Variants in ZNF611 observed in about 807,000 individuals in gnomAD.
ZNF611 encodes zinc finger protein 611.
In ZNF611, 6 loss-of-function variants were observed where a neutral mutation model predicts 8.9. That is an observed-to-expected ratio of 0.68 (90% CI 0.37 to 1.34). The LOEUF (loss-of-function observed/expected upper bound fraction) is 1.34. Among genes scored for constraint, ZNF611 ranks in the 40% most tolerant of loss-of-function variants. The pLI, the probability that ZNF611 is intolerant of heterozygous loss-of-function variation, is 0.02. For missense variants in ZNF611, 874 were observed against 841.3 expected (o/e 1.04, Z -0.48); for synonymous variants, 262 against 279.7 (o/e 0.94, Z 0.63).
chr19:52,730,905 A>G (rs988837941), intron 1 of ZNF611, among the ~76,000 whole-genome samples: 1 of 151,922 alleles, frequency 6.6e-6, no homozygotes, highest in African/African-American at 2.4e-5. Flanking sequence ...TTTTATAAAG[A>G]GAGACATTAA....
intron 5 of ZNF611, among the ~76,000 whole-genome samples, chr19:52,713,265 G>T (rs1490104195): frequency 1.3e-5 from 2 of 152,264 alleles, no homozygotes; most frequent in East Asian, 3.9e-4. Flanking sequence ...TTAAGGAAAT[G>T]ACAGTAGAAC....
At chr19:52,709,457 G>C (rs1464580034) in intron 5 of ZNF611, among the ~76,000 whole-genome samples, 6 of 151,990 alleles carry the variant, frequency 3.9e-5, no homozygotes, top group African/African-American at 1.2e-4. Flanking sequence ...ATTTTTAGTA[G>C]AGAAGGGGTT....
intron 3 of ZNF611, 89 bp from the exon 4 acceptor site, chr19:52,716,002 T>C (rs575994725): frequency 8.0e-6 from 12 of 1,492,126 alleles, no homozygotes; most frequent in Non-Finnish European, 1.1e-5. Context: ...GACGTCACCC[T>C]GTAGAAAGAA....
intron 3 of ZNF611, among the ~76,000 whole-genome samples, chr19:52,719,379 A>T (rs1335644504): frequency 6.6e-6 from 1 of 152,160 alleles, no homozygotes; most frequent in African/African-American, 2.4e-5. Context: ...AAAAGGGAAG[A>T]GGGTGATCCA....
At chr19:52,707,252 T>TAAA (rs59927537) in intron 5 of ZNF611, 4 of 100,000 alleles carry the variant, frequency 4.0e-5, no homozygotes, top group African/African-American at 1.1e-4. Flanking sequence ...AAATAAATGC[T>TAAA]AAAAAAAAAA....
intron 3 of ZNF611, among the ~76,000 whole-genome samples, chr19:52,725,492 A>AG (rs2062385788): frequency 6.6e-6 from 1 of 152,224 alleles, no homozygotes; most frequent in African/African-American, 2.4e-5. Flanking sequence ...ACTATGCGAT[A>AG]GGAAGTGTAT....
intron 1 of ZNF611, among the ~76,000 whole-genome samples, chr19:52,730,213 GA>G (rs2062416872): frequency 6.6e-6 from 1 of 151,804 alleles, no homozygotes; most frequent in African/African-American, 2.4e-5. Flanking sequence ...CTAACATGGT[GA>G]AACCCCATCT....
intron 2 of ZNF611, among the ~76,000 whole-genome samples, chr19:52,729,492 CAAAAAAAAAAAAA>C (rs397859789): frequency 1.1e-3 from 47 of 42,364 alleles, no homozygotes; most frequent in Middle Eastern, 0.053. Context: ...GACTCCATCT[CAAAAAAAAAAAAA>C]AAAAAAAAAA....
At chr19:52,723,253 C>CTTTTTTT (rs56217135) in intron 3 of ZNF611, among the ~76,000 whole-genome samples, 1 of 103,188 alleles carries the variant, frequency 9.7e-6, no homozygotes, top group East Asian at 2.5e-4. Flanking sequence ...CTTATTTAAC[C>CTTTTTTT]TTTTTTTTTT....
intron 5 of ZNF611, among the ~76,000 whole-genome samples, 194 bp from the exon 6 acceptor site, chr19:52,707,058 GAAA>G (rs2062250703): frequency 1.3e-5 from 2 of 152,114 alleles, no homozygotes; most frequent in Non-Finnish European, 2.9e-5. Context: ...ACAATTCTAT[GAAA>G]GCCTATTTCC....
At chr19:52,710,037 G>A (rs1351456728) in intron 5 of ZNF611, among the ~76,000 whole-genome samples, 1 of 152,036 alleles carries the variant, frequency 6.6e-6, no homozygotes, top group Non-Finnish European at 1.5e-5. Flanking sequence ...CCAGATTCAT[G>A]AGCAACAAAT....
At chr19:52,732,535 A>G (rs35108223) in intron 1 of ZNF611, among the ~76,000 whole-genome samples, 5 of 59,064 alleles carry the variant, frequency 8.5e-5, no homozygotes, top group East Asian at 6.4e-4. Flanking sequence ...GTTATTCAGA[A>G]TAACTCACAG....
intron 3 of ZNF611, among the ~76,000 whole-genome samples, chr19:52,728,467 G>A (rs969650289): frequency 6.6e-6 from 1 of 152,058 alleles, no homozygotes; most frequent in Admixed American, 6.6e-5. Context: ...GTACCCGAGA[G>A]ACAGAAATTG....
intron 3 of ZNF611, among the ~76,000 whole-genome samples, chr19:52,728,328 CAGA>C (rs911425446): frequency 6.6e-5 from 10 of 152,170 alleles, no homozygotes; most frequent in African/African-American, 2.4e-4. Context: ...CATCTGAAAT[CAGA>C]AGTTCAAGAC....
At chr19:52,733,484 CG>C (rs771308725) in intron 1 of ZNF611, among the ~76,000 whole-genome samples, 4 of 151,734 alleles carry the variant, frequency 2.6e-5, no homozygotes, top group South Asian at 2.1e-4. Flanking sequence ...ACTTTTTTGG[CG>C]GGGGGGAGGT....
At position 52,705,364 on chromosome 19, in the gene ZNF611, T is replaced by C; in HGVS notation, c.1691A>G (p.Lys564Arg). The change falls in exon 6 of 6, where the codon AAA becomes AGA. Residue 564 changes from lysine to arginine, a missense_variant. By Grantham distance (26) the Lys-to-Arg change is conservative. Transcript: ENST00000652185. ...GCTGCACTCATTACACTTGTAAGGT[T>C]TCTCTCCACTATGAATTCTAGTATG... ...AKHTRIHSGE[K>R]PYKCNECSKT... is the part of the protein sequence containing the mutation. 1 of 1,614,170 alleles carries C rather than the reference T, an allele frequency of 6.2e-7. No individual in the cohort carries two copies. Among genetic ancestry groups the C allele is most frequent in the Non-Finnish European group, 8.5e-7 (1 of 1,180,036 alleles).
chr19:52,710,624 C>CA (rs1404359672), intron 5 of ZNF611, among the ~76,000 whole-genome samples: 10 of 152,270 alleles, frequency 6.6e-5, no homozygotes, highest in Non-Finnish European at 7.3e-5. Context: ...CTCAGCCTTT[C>CA]AAAGTGCTGG....
At chr19:52,724,201 A>C (rs1399987515) in intron 3 of ZNF611, 1 of 152,302 alleles carries the variant, frequency 6.6e-6, no homozygotes, top group African/African-American at 2.4e-5. Flanking sequence ...CTCAGTGGAG[A>C]GAAACCTTGG....
intron 4 of ZNF611, 102 bp from the exon 5 acceptor site, chr19:52,714,243 T>C (rs1465892086): frequency 1.6e-5 from 25 of 1,548,498 alleles, no homozygotes; most frequent in East Asian, 4.6e-5. Context: ...TGATCAAAGA[T>C]TATGTTCTGA....
Sources: gnomAD v4.1 joint callset for allele counts (sites outside exome capture counted in the v4.1 genomes callset) on GRCh38, gnomAD v4.1.1 for gene constraint, MANE v1.5 for transcripts, NCBI Gene and HGNC (gene_info 2026-07-23, HGNC 2026-07-21) for gene names.